The following STK33 variants were observed in gnomAD, a reference collection of about 807,000 sequenced individuals.
STK33 encodes the protein serine/threonine-protein kinase 33.
Under a neutral mutation model 58.0 loss-of-function variants are expected in STK33, and 52 were observed. That is an observed-to-expected ratio of 0.90 (90% CI 0.72 to 1.13). The LOEUF (loss-of-function observed/expected upper bound fraction) is 1.13. STK33 is among the 50% of genes most tolerant of loss of function. The pLI, the probability that STK33 is intolerant of heterozygous loss-of-function variation, is 0.00. For synonymous variants in STK33, 215 were observed against 200.1 expected, an observed-to-expected ratio of 1.07 and a Z score of -0.63; for missense variants, 630 against 604.2, an observed-to-expected ratio of 1.04 and a Z score of -0.45.
chr11:8,521,191 AC>A (rs1953396887), intron 1 of STK33, among the ~76,000 whole-genome samples: 1 of 152,160 alleles, frequency 6.6e-6, no homozygotes, highest in Non-Finnish European at 1.5e-5. Context: ...AGCCAAAAGA[AC>A]AAAGCTGGAG....
intron 11 of STK33, among the ~76,000 whole-genome samples, chr11:8,448,161 T>C (rs975204288): frequency 3.9e-5 from 6 of 152,322 alleles, no homozygotes; most frequent in African/African-American, 1.2e-4. Context: ...GAACATTCCA[T>C]GCTCACGGGT....
chr11:8,565,597 G>A (rs1957395541), intron 1 of STK33: 1 of 152,196 alleles, frequency 6.6e-6, no homozygotes, highest in South Asian at 2.1e-4. Context: ...TACCTCACAA[G>A]ATTATGATAA....
At chr11:8,575,991 T>C (rs2141238620) in intron 1 of STK33, among the ~76,000 whole-genome samples, 1 of 152,136 alleles carries the variant, frequency 6.6e-6, no homozygotes, top group Admixed American at 6.5e-5. Context: ...CAAGGGATAT[T>C]AAGAGGGAGA....
At chr11:8,593,072 T>C (rs2141651973) in intron 1 of STK33, among the ~76,000 whole-genome samples, 2 of 152,290 alleles carry the variant, frequency 1.3e-5, no homozygotes, top group African/African-American at 2.4e-5. Context: ...AGGAAGAAAG[T>C]GCGAGGTGTC....
intron 1 of STK33, among the ~76,000 whole-genome samples, chr11:8,541,675 C>T (rs1216206911): frequency 6.6e-6 from 1 of 152,040 alleles, no homozygotes; most frequent in African/African-American, 2.4e-5. Flanking sequence ...TTTTACTTTC[C>T]ATTTGTTCAA....
chr11:8,408,609 C>T (rs1410512912), intron 15 of STK33, among the ~76,000 whole-genome samples: 1 of 152,150 alleles, frequency 6.6e-6, no homozygotes, highest in Non-Finnish European at 1.5e-5. Flanking sequence ...GTTATTTGTA[C>T]CTGTATTAGT....
intron 6 of STK33, among the ~76,000 whole-genome samples, chr11:8,470,585 T>A (rs1461548655): frequency 6.6e-6 from 1 of 152,244 alleles, no homozygotes; most frequent in African/African-American, 2.4e-5. Flanking sequence ...TCAGCCTATC[T>A]TGGCTTTCAA....
At chr11:8,531,077 T>C (rs1049205297) in intron 1 of STK33, among the ~76,000 whole-genome samples, 9 of 152,124 alleles carry the variant, frequency 5.9e-5, no homozygotes, top group Non-Finnish European at 1.0e-4. Context: ...ATTAAATACA[T>C]AGAAAGTAGG....
intron 6 of STK33, chr11:8,465,078 A>C: frequency 3.8e-6 from 1 of 265,884 alleles, no homozygotes; most frequent in East Asian, 8.1e-5. Context: ...GGAAAAACTC[A>C]AAAGTATAAA....
chr11:8,427,333 T>C (rs1942892051), intron 14 of STK33, among the ~76,000 whole-genome samples: 1 of 152,188 alleles, frequency 6.6e-6, no homozygotes, highest in African/African-American at 2.4e-5. Flanking sequence ...AAAAGTAGGA[T>C]GTCAATGTGA....
chr11:8,581,688 T>A (rs999456511), intron 1 of STK33, among the ~76,000 whole-genome samples: 1 of 152,254 alleles, frequency 6.6e-6, no homozygotes, highest in Non-Finnish European at 1.5e-5. Flanking sequence ...TTCCCCTATG[T>A]GATTAATTTA....
chr11:8,568,708 C>G (rs1437873353), intron 1 of STK33, among the ~76,000 whole-genome samples: 1 of 152,150 alleles, frequency 6.6e-6, no homozygotes, highest in Non-Finnish European at 1.5e-5. Context: ...TCCCTAATAA[C>G]TGTCTAGGAA....
chr11:8,490,033 A>G (rs568040356), intron 1 of STK33, among the ~76,000 whole-genome samples: 1 of 152,236 alleles, frequency 6.6e-6, no homozygotes, highest in South Asian at 2.1e-4. Context: ...TGCATTTCCA[A>G]CTGAGGTACC....
At chr11:8,545,105 C>T (rs1955814034) in intron 1 of STK33, among the ~76,000 whole-genome samples, 1 of 152,142 alleles carries the variant, frequency 6.6e-6, no homozygotes, top group Non-Finnish European at 1.5e-5. Context: ...AAGCTGCCTA[C>T]CAGAAGTGTA....
chr11:8,399,567 C>A (rs1213633790), intron 15 of STK33, among the ~76,000 whole-genome samples: 1 of 152,040 alleles, frequency 6.6e-6, no homozygotes, highest in Non-Finnish European at 1.5e-5. Context: ...ACTAGAGAAG[C>A]AAGAGCAAAC....
intron 1 of STK33, among the ~76,000 whole-genome samples, chr11:8,522,417 T>C (rs1421953763): frequency 1.3e-5 from 2 of 150,032 alleles, no homozygotes; most frequent in Admixed American, 1.3e-4. Flanking sequence ...AGGTGGAAAC[T>C]GAACAATGAG....
intron 1 of STK33, among the ~76,000 whole-genome samples, chr11:8,489,257 C>CAAAAAAAAAAAAAAAAAAAAA (rs377017514): frequency 1.6e-5 from 1 of 64,356 alleles, no homozygotes; most frequent in Non-Finnish European, 2.9e-5. Context: ...AAGCTATCTC[C>CAAAAAAAAAAAAAAAAAAAAA]AAAAAAAAAA....
chr11:8,504,711 T>A (rs2139237529), intron 1 of STK33, among the ~76,000 whole-genome samples: 1 of 152,050 alleles, frequency 6.6e-6, no homozygotes, highest in Non-Finnish European at 1.5e-5. Flanking sequence ...CTCAGGAGGA[T>A]CACTTGAGCC....
At chr11:8,493,198 T>A (rs1454474192) in intron 1 of STK33, among the ~76,000 whole-genome samples, 1 of 152,042 alleles carries the variant, frequency 6.6e-6, no homozygotes, top group South Asian at 2.1e-4. Flanking sequence ...GATGGACCGC[T>A]AGCAAGACTA....
Sources: gnomAD v4.1 joint callset for allele counts (sites outside exome capture counted in the v4.1 genomes callset) on GRCh38, gnomAD v4.1.1 for gene constraint, MANE v1.5 for transcripts, NCBI Gene and HGNC (gene_info 2026-07-23, HGNC 2026-07-21) for gene names.